ADCY2: variants seen among roughly 807,000 people sequenced by gnomAD.
The protein encoded by ADCY2 is adenylate cyclase 2, also known as adenylate cyclase type 2.
In ADCY2, 31 loss-of-function variants were observed where a neutral mutation model predicts 125.2. That is an observed-to-expected ratio of 0.25 (90% CI 0.19 to 0.33). ADCY2 has a LOEUF of 0.33. Among genes scored for constraint, ADCY2 ranks in the 10% least tolerant of loss-of-function variants. ADCY2 has a pLI of 1.00. For missense variants in ADCY2, 904 were observed against 1,418.2 expected (o/e 0.64, Z 5.82); for synonymous variants, 512 against 548.4 (o/e 0.93, Z 0.93).
At chr5:7,703,711 C>T (rs191911929) in intron 7 of ADCY2, among the ~76,000 whole-genome samples, 1 of 152,128 alleles carries the variant, frequency 6.6e-6, no homozygotes, top group African/African-American at 2.4e-5. Context: ...AGTGCAGGCT[C>T]TTTTTTGGTT....
intron 4 of ADCY2, among the ~76,000 whole-genome samples, chr5:7,627,259 A>C (rs17232317): frequency 0.25 from 37,954 of 152,070 alleles, 6,302 homozygotes; most frequent in Non-Finnish European, 0.37. Context: ...ACACAAATGC[A>C]CATCAGGGAA....
intron 4 of ADCY2, among the ~76,000 whole-genome samples, chr5:7,647,455 C>T (rs1027802875): frequency 6.6e-6 from 1 of 152,128 alleles, no homozygotes; most frequent in Non-Finnish European, 1.5e-5. Context: ...TGCATGTGGG[C>T]CCTGTGTGCT....
intron 14 of ADCY2, among the ~76,000 whole-genome samples, chr5:7,727,696 C>G (rs112056188): frequency 6.3e-4 from 96 of 152,140 alleles, no homozygotes; most frequent in African/African-American, 2.3e-3. Flanking sequence ...TGTCCAAGTT[C>G]TGTGTGTTAC....
At chr5:7,533,074 TATAAAC>T (rs1403415539) in intron 3 of ADCY2, among the ~76,000 whole-genome samples, 5 of 149,696 alleles carry the variant, frequency 3.3e-5, no homozygotes, top group African/African-American at 1.2e-4. Flanking sequence ...TATATACATA[TATAAAC>T]ATATATGTAT....
At chr5:7,501,652 C>G (rs796973171) in intron 2 of ADCY2, among the ~76,000 whole-genome samples, 7 of 103,816 alleles carry the variant, frequency 6.7e-5, no homozygotes, top group East Asian at 3.2e-4. Context: ...CCCCTCCCCC[C>G]CCCCCCGCCA....
intron 3 of ADCY2, among the ~76,000 whole-genome samples, chr5:7,542,608 G>A (rs999872327): frequency 5.3e-5 from 8 of 152,370 alleles, no homozygotes; most frequent in Admixed American, 4.6e-4. Context: ...TGAAAGGCCT[G>A]TGGTAGCAGT....
intron 7 of ADCY2, among the ~76,000 whole-genome samples, chr5:7,703,666 C>A (rs1561177019): frequency 6.6e-6 from 1 of 152,138 alleles, no homozygotes; most frequent in Non-Finnish European, 1.5e-5. Flanking sequence ...CATGATGCCT[C>A]CACCTTTGTT....
At chr5:7,653,763 A>G (rs962096660) in intron 4 of ADCY2, among the ~76,000 whole-genome samples, 1 of 152,232 alleles carries the variant, frequency 6.6e-6, no homozygotes, top group Admixed American at 6.5e-5. Flanking sequence ...ATTTAAACAA[A>G]AATTGCCTTA....
chr5:7,414,680 G>A lies in ADCY2; in HGVS notation c.318G>A (p.Leu106=), dbSNP rs1241595706. Reference sequence around the variant, plus strand: ...TCGAGTCTGTGTTTAAGAAGCTGCTGCGCCTCTTCTCGTTGGTGATATGGA... The same window carrying A: ...TCGAGTCTGTGTTTAAGAAGCTGCTACGCCTCTTCTCGTTGGTGATATGGA... ...VCIESVFKKL[L]RLFSLVIWIC... Residue 106 remains leucine, a synonymous_variant, in exon 2 of 25, where the codon CTG becomes CTA. Transcript: ENST00000338316. 1 of 1,613,904 alleles carries A rather than the reference G, an allele frequency of 6.2e-7. No individual in the cohort carries two copies. Among genetic ancestry groups the A allele is most frequent in the Non-Finnish European group, 8.5e-7 (1 of 1,179,952 alleles).
At chr5:7,584,595 T>C (rs1736560783) in intron 3 of ADCY2, among the ~76,000 whole-genome samples, 1 of 152,130 alleles carries the variant, frequency 6.6e-6, no homozygotes, top group South Asian at 2.1e-4. Flanking sequence ...TGAAATGCCA[T>C]GACGAACAAC....
At chr5:7,499,679 A>ATATATG (rs1461318855) in intron 2 of ADCY2, among the ~76,000 whole-genome samples, 2 of 135,034 alleles carry the variant, frequency 1.5e-5, no homozygotes, top group Non-Finnish European at 3.2e-5. Flanking sequence ...ATATATATAT[A>ATATATG]TATGTATATA....
rs1312706643 is a variant in ADCY2 at position 7,803,794 on chromosome 5, G to A, written c.2776-791G>A. On this transcript the variant is annotated intron_variant, in intron 21 of 24. Coordinates refer to ENST00000338316, the MANE Select transcript of ADCY2 (RefSeq NM_020546.3). ...GTATGCCTGTGATCTCAGCCTCTTG[G>A]GAGTCTGAAGCAGGAGGTTCACTTG... 2.6e-5 allele frequency among the ~76,000 whole-genome samples: 4 copies of A among 152,036 alleles called. No individual in the cohort carries two copies. In the East Asian group the frequency reaches 7.7e-4, roughly 29 times the overall value.
chr5:7,581,256 C>T (rs1736416506), intron 3 of ADCY2, among the ~76,000 whole-genome samples: 1 of 152,012 alleles, frequency 6.6e-6, no homozygotes, highest in African/African-American at 2.4e-5. Flanking sequence ...GTAATATTTG[C>T]ATTGTAATAC....
At position 7,825,452 on chromosome 5, in the gene ADCY2, C is replaced by A. The variant is rs1376024485; in HGVS notation, c.3124-1267C>A. 3.9e-5 allele frequency among the ~76,000 whole-genome samples: 6 copies of A among 152,362 alleles called. No homozygotes were observed. In the East Asian group the frequency reaches 1.2e-3, roughly 29 times the overall value. On this transcript the variant is annotated intron_variant, in intron 24 of 24. Transcript: ENST00000338316. ...TTGTAAGCTGCCCAGCCCTGTCACA[C>A]CCACCTGGCACAGGTTTGTCACTCC...
chr5:7,631,939 A>C (rs1212685377), intron 4 of ADCY2, among the ~76,000 whole-genome samples: 1 of 152,202 alleles, frequency 6.6e-6, no homozygotes, highest in East Asian at 1.9e-4. Context: ...ACGAGGACTC[A>C]TCAATGACAA....
intron 2 of ADCY2, among the ~76,000 whole-genome samples, chr5:7,467,469 G>A (rs1579472971): frequency 1.3e-5 from 2 of 152,156 alleles, no homozygotes; most frequent in Non-Finnish European, 2.9e-5. Flanking sequence ...ATGGACCGGC[G>A]GGCCATTTTG....
At chr5:7,669,483 G>T (rs1414618701) in intron 4 of ADCY2, among the ~76,000 whole-genome samples, 3 of 152,252 alleles carry the variant, frequency 2.0e-5, no homozygotes, top group Middle Eastern at 3.4e-3. Context: ...AGAAAACTTG[G>T]TATCCCTGGC....
chr5:7,621,004 G>C (rs1737936943), intron 3 of ADCY2, among the ~76,000 whole-genome samples: 1 of 152,050 alleles, frequency 6.6e-6, no homozygotes, highest in Admixed American at 6.5e-5. Flanking sequence ...GGCCATTTTA[G>C]TTTGCCACCC....
intron 2 of ADCY2, among the ~76,000 whole-genome samples, chr5:7,478,756 G>A (rs1341778176): frequency 1.1e-4 from 17 of 152,200 alleles, no homozygotes. Flanking sequence ...CACTGATGAT[G>A]CATTAGAATC....
Sources: allele counts gnomAD v4.1 joint callset (sites outside exome capture counted in the v4.1 genomes callset), GRCh38; gene constraint gnomAD v4.1.1; transcripts MANE v1.5; gene names NCBI Gene and HGNC (gene_info 2026-07-23, HGNC 2026-07-21).